The following FAM174A variants were observed in gnomAD, a reference collection of about 807,000 sequenced individuals.
FAM174A encodes the protein membrane protein FAM174A.
FAM174A carries 14 observed loss-of-function variants against 14.3 expected under a neutral mutation model. The ratio of observed to expected loss-of-function variants is 0.98; its 90% CI spans 0.65 to 1.53. The LOEUF (loss-of-function observed/expected upper bound fraction) is 1.53, where lower values mean the gene tolerates loss of function less well. FAM174A is among the 40% of genes most tolerant of loss of function. The probability of loss-of-function intolerance (pLI) is 0.00; values close to 1 mark genes in which losing one functional copy is unlikely to be tolerated. For synonymous variants in FAM174A, 108 were observed against 111.4 expected (o/e 0.97, Z 0.19); for missense variants, 241 against 249.6 (o/e 0.97, Z 0.23).
In FAM174A at chr5:100,573,894, C is replaced by T. The variant is rs370787212; in HGVS notation, c.569+11706C>T. Among the ~76,000 whole-genome samples the T allele has an allele frequency of 7.6e-3, 1,159 of 151,874 alleles. 40 individuals carry two copies. The highest frequency in any genetic ancestry group is 0.054 in the Admixed American group (816 of 15,252). ...AAAACAGAGATATAGATCAATGGAA[C>T]AGAACAGAGCCCTCAGAAATAACAC... is the stretch of plus-strand genomic sequence containing the variant. On this transcript the variant is annotated intron_variant, in intron 2 of 2. Coordinates refer to ENST00000312637, the MANE Select transcript of FAM174A (RefSeq NM_198507.3).
At chr5:100,562,232 C>A in intron 2 of FAM174A, 44 bp downstream of exon 2, 1 of 1,527,740 alleles carries the variant, frequency 6.5e-7, no homozygotes, top group African/African-American at 1.4e-5. Flanking sequence ...GGAAGCAAGT[C>A]CTTGCCAAGT....
intron 1 of FAM174A, among the ~76,000 whole-genome samples, chr5:100,552,818 G>A (rs2112374852): frequency 6.6e-6 from 1 of 152,148 alleles, no homozygotes; most frequent in African/African-American, 2.4e-5. Context: ...ATATTAACTT[G>A]AATACCTAGA....
At chr5:100,570,545 T>G (rs1389222693) in intron 2 of FAM174A, among the ~76,000 whole-genome samples, 1 of 151,934 alleles carries the variant, frequency 6.6e-6, no homozygotes, top group Admixed American at 6.6e-5. Context: ...AGATATAAGA[T>G]CTCTTTAGTC....
intron 1 of FAM174A, among the ~76,000 whole-genome samples, chr5:100,559,276 T>G (rs1746472429): frequency 1.3e-5 from 2 of 152,304 alleles, no homozygotes; most frequent in African/African-American, 4.8e-5. Flanking sequence ...CCCACTATCT[T>G]CTGGCTTGTA....
chr5:100,536,766 CT>C (rs1185415253), intron 1 of FAM174A, among the ~76,000 whole-genome samples: 1 of 152,182 alleles, frequency 6.6e-6, no homozygotes, highest in African/African-American at 2.4e-5. Context: ...CATAAATACC[CT>C]CTGTATTGTA....
intron 2 of FAM174A, among the ~76,000 whole-genome samples, chr5:100,566,550 G>A (rs1182273484): frequency 6.6e-6 from 1 of 151,716 alleles, no homozygotes; most frequent in African/African-American, 2.4e-5. Flanking sequence ...ATACAGTAGT[G>A]TATACTTTTA....
intron 1 of FAM174A, among the ~76,000 whole-genome samples, chr5:100,552,617 T>A (rs574084790): frequency 1.3e-5 from 2 of 152,240 alleles, no homozygotes; most frequent in East Asian, 1.9e-4. Context: ...AAATGGAATT[T>A]TATTCTGTTG....
intron 2 of FAM174A, among the ~76,000 whole-genome samples, chr5:100,578,354 T>G (rs1580378552): frequency 6.6e-6 from 1 of 152,170 alleles, no homozygotes; most frequent in African/African-American, 2.4e-5. Flanking sequence ...TGCCAAATAA[T>G]ATAGTTGGAC....
chr5:100,542,153 G>A (rs991683858), intron 1 of FAM174A, among the ~76,000 whole-genome samples: 2 of 152,152 alleles, frequency 1.3e-5, no homozygotes, highest in Admixed American at 1.3e-4. Flanking sequence ...CACTGTCCAT[G>A]TTCCCTGGGT....
At position 100,581,372 on chromosome 5, in the gene FAM174A, G is replaced by A. The variant is rs868248523; in HGVS notation, c.570-4809G>A. ...ACTGCTGTGGAATTCCTGAGAAAGA[G>A]CAACTGAGGGATAGCAACATGGATT... On this transcript the variant is annotated intron_variant, in intron 2 of 2. Transcript: ENST00000312637. 6 of 985,152 alleles carry A rather than the reference G, an allele frequency of 6.1e-6. No individual in the cohort carries two copies. The African/African-American group carries it at 1.0e-4, about 17-fold the overall frequency. 61.0% of individuals were successfully genotyped at this position (985,152 alleles called of 1,614,324 possible). A position where few individuals can be genotyped will look rare whatever the true frequency, so the allele number is the denominator to read the frequency against.
Position 100,535,830 on chromosome 5 carries a change from C to G in FAM174A, c.300C>G (p.Ala100=). ...AGACGGACGATCACGGAGGGAAGGCCGGGGAAGGCTCGGTGGGTGGCGGCC... is the reference window on the plus strand; with the variant it reads ...AGACGGACGATCACGGAGGGAAGGCGGGGGAAGGCTCGGTGGGTGGCGGCC... ...GLETDDHGGK[A]GEGSVGGGLA... The change falls in exon 1 of 3, where the codon GCC becomes GCG. Residue 100 remains alanine, a synonymous_variant. Transcript: ENST00000312637. The G allele has an allele frequency of 6.2e-7, 1 of 1,611,464 alleles. No individual in the cohort carries two copies. Among genetic ancestry groups the G allele is most frequent in the Non-Finnish European group, 8.5e-7 (1 of 1,179,856 alleles).
At chr5:100,562,866 A>T (rs899757171) in intron 2 of FAM174A, among the ~76,000 whole-genome samples, 2 of 151,820 alleles carry the variant, frequency 1.3e-5, no homozygotes, top group Non-Finnish European at 2.9e-5. Context: ...ATAAATGCCA[A>T]TGTAAATAGA....
At position 100,579,063 on chromosome 5, in the gene FAM174A, C is replaced by A. The variant is rs1746955807; in HGVS notation, c.570-7118C>A. Among the ~76,000 whole-genome samples, 4 of 152,288 alleles carry A rather than the reference C, an allele frequency of 2.6e-5. No homozygotes were observed. The South Asian group carries it at 8.3e-4, about 32-fold the overall frequency. On this transcript the variant is annotated intron_variant, in intron 2 of 2. Coordinates refer to ENST00000312637, the MANE Select transcript of FAM174A (RefSeq NM_198507.3). ...TGTTGTGGTTACTTATGTTTGTTTT[C>A]ATGTGAAACTATATATTTGAAATAG...
intron 1 of FAM174A, among the ~76,000 whole-genome samples, chr5:100,541,757 G>C (rs923178601): frequency 1.3e-5 from 2 of 151,950 alleles, no homozygotes; most frequent in Non-Finnish European, 2.9e-5. Flanking sequence ...TTTGTAGTCT[G>C]GCTTCTAATT....
intron 2 of FAM174A, among the ~76,000 whole-genome samples, chr5:100,579,511 C>T (rs550736754): frequency 1.3e-5 from 2 of 152,086 alleles, no homozygotes; most frequent in South Asian, 2.1e-4. Flanking sequence ...TGCAGCCTCC[C>T]GCTTCCAGGT....
chr5:100,548,218 T>A (rs1341593217), intron 1 of FAM174A, among the ~76,000 whole-genome samples: 1 of 152,102 alleles, frequency 6.6e-6, no homozygotes, highest in African/African-American at 2.4e-5. Context: ...CATTATGTAC[T>A]CCTTAGGGCT....
intron 2 of FAM174A, among the ~76,000 whole-genome samples, chr5:100,562,580 G>T (rs1746551472): frequency 6.6e-6 from 1 of 151,276 alleles, no homozygotes; most frequent in African/African-American, 2.4e-5. Flanking sequence ...ATTAACTTGG[G>T]TGTGTGTGTG....
intron 1 of FAM174A, among the ~76,000 whole-genome samples, chr5:100,556,845 G>A (rs529605054): frequency 6.6e-6 from 1 of 152,162 alleles, no homozygotes; most frequent in Non-Finnish European, 1.5e-5. Flanking sequence ...ACTTTGGGCT[G>A]AGACGATGGG....
intron 1 of FAM174A, among the ~76,000 whole-genome samples, chr5:100,556,080 A>G (rs937865774): frequency 1.2e-4 from 18 of 152,164 alleles, no homozygotes; most frequent in African/African-American, 4.1e-4. Context: ...TTTTAGGTCT[A>G]ACATTTAAGT....
Sources: allele counts gnomAD v4.1 joint callset (sites outside exome capture counted in the v4.1 genomes callset), GRCh38; gene constraint gnomAD v4.1.1; transcripts MANE v1.5; gene names NCBI Gene and HGNC (gene_info 2026-07-23, HGNC 2026-07-21).